The following SYNE1 variants were observed in gnomAD, a reference collection of about 807,000 sequenced individuals.
SYNE1 encodes the protein nesprin-1.
SYNE1 carries 616 observed loss-of-function variants against 1,111.0 expected under a neutral mutation model. The ratio of observed to expected loss-of-function variants is 0.55; its 90% CI spans 0.52 to 0.59. SYNE1 has a LOEUF of 0.59. Ranked by LOEUF, SYNE1 falls within the 20% of genes least tolerant of loss-of-function variation. The pLI is 0.00. For synonymous variants in SYNE1, 3,855 were observed against 3,825.8 expected (o/e 1.01, Z -0.28); for missense variants, 10,006 against 10,417.0 (o/e 0.96, Z 1.72).
chr6:152,381,665 C>T lies in SYNE1; in HGVS notation c.8653-303G>A, dbSNP rs2097419350. On this transcript the variant is annotated intron_variant, in intron 55 of 145. Coordinates refer to ENST00000367255, the MANE Select transcript of SYNE1 (RefSeq NM_182961.4). ...AAATGTTTAGTGACTCAAGTGTTTG[C>T]CTGTGGTGGATTGCTCCTGTGAATG... 7.0e-6 allele frequency: 3 copies of T among 430,044 alleles called. 1 individual carries two copies. Among genetic ancestry groups the T allele is most frequent in the South Asian group, 4.5e-5 (2 of 44,034 alleles). 26.6% of individuals were successfully genotyped at this position (430,044 alleles called of 1,614,324 possible).
At chr6:152,139,707 AAAAGAAAGAAAAAGAAAG>A (rs2058022754) in intron 140 of SYNE1, among the ~76,000 whole-genome samples, 1 of 74,080 alleles carries the variant, frequency 1.3e-5, no homozygotes, top group East Asian at 4.0e-4. Flanking sequence ...AGAGAAAAAG[AAAAGAAAGAAAAAGAAAG>A]AAAGAAAGAA....
intron 24 of SYNE1, among the ~76,000 whole-genome samples, chr6:152,453,991 T>C (rs560461518): frequency 6.6e-6 from 1 of 152,362 alleles, no homozygotes; most frequent in East Asian, 1.9e-4. Context: ...CCAAAAGGAA[T>C]ATCTCATCTT....
intron 38 of SYNE1, among the ~76,000 whole-genome samples, chr6:152,426,888 A>G (rs1422557937): frequency 6.6e-6 from 1 of 152,234 alleles, no homozygotes; most frequent in African/African-American, 2.4e-5. Context: ...GACACTGGTG[A>G]CAGAGTTTTC....
rs747473998 is a variant in SYNE1 at position 152,396,786 on chromosome 6, T to C, written c.7545A>G (p.Ser2515=). 1.2e-5 allele frequency: 19 copies of C among 1,614,070 alleles called. No homozygotes were observed. Among genetic ancestry groups the C allele is most frequent in the Non-Finnish European group, 1.5e-5 (18 of 1,180,014 alleles). ...KDKQALQDCA[S]ELGSFEDQHR... ...TTAAACTAACCTACCTTCCAAGTTCTGAAGCACAGTCTTGAAGAGCCTGCT... is the reference window on the plus strand; with the variant it reads ...TTAAACTAACCTACCTTCCAAGTTCCGAAGCACAGTCTTGAAGAGCCTGCT... Residue 2515 remains serine (S), a synonymous_variant, in exon 50 of 146, where the codon TCA becomes TCG. Coordinates refer to ENST00000367255, the MANE Select transcript of SYNE1 (RefSeq NM_182961.4).
chr6:152,350,415 T>C, intron 71 of SYNE1, 80 bp from the exon 72 acceptor site: 2 of 1,593,544 alleles, frequency 1.3e-6, no homozygotes, highest in African/African-American at 1.3e-5. Flanking sequence ...AAAAACCCAG[T>C]GCAACTCACA....
intron 46 of SYNE1, 97 bp downstream of exon 46, chr6:152,404,116 T>TATATATATACACAC (rs747022132): frequency 1.9e-6 from 1 of 540,138 alleles, no homozygotes; most frequent in East Asian, 3.6e-5. Flanking sequence ...TATATATATA[T>TATATATATACACAC]ACACACACAC....
At chr6:152,233,082 A>G (rs1259580292) in intron 112 of SYNE1, among the ~76,000 whole-genome samples, 1 of 152,194 alleles carries the variant, frequency 6.6e-6, no homozygotes, top group African/African-American at 2.4e-5. Flanking sequence ...TAAGAGGATT[A>G]TTTACATCTA....
intron 130 of SYNE1, among the ~76,000 whole-genome samples, chr6:152,167,322 A>C (rs1460667256): frequency 6.6e-6 from 1 of 152,176 alleles, no homozygotes; most frequent in Non-Finnish European, 1.5e-5. Context: ...CTTTCCTTCA[A>C]AGTAATTTAG....
At position 152,331,182 on chromosome 6, in the gene SYNE1, G is replaced by C. The variant is rs1474064861; in HGVS notation, c.13503C>G (p.Ala4501=). Residue 4501 remains alanine (A), a synonymous_variant, in exon 78 of 146, where the codon GCC becomes GCG. Coordinates refer to ENST00000367255, the MANE Select transcript of SYNE1 (RefSeq NM_182961.4). ...CTTCATTTTGGTAAGTCTTGAGGCT[G>C]GCTTGTGCACTCTTACATGTTTTGA... ...KQVKTCKSAQ[A]SLKTYQNEVT... is the part of the protein sequence containing the mutation. 6.2e-7 allele frequency: 1 copy of C among 1,614,010 alleles called. No homozygotes were observed. The highest frequency in any genetic ancestry group is 8.5e-7 in the Non-Finnish European group (1 of 1,180,038).
chr6:152,220,745 A>T, intron 119 of SYNE1, 97 bp downstream of exon 119: 1 of 1,129,502 alleles, frequency 8.9e-7, no homozygotes, highest in Non-Finnish European at 1.4e-6. Context: ...TAACTGTCTC[A>T]CATAGAAAGA....
At chr6:152,277,921 A>G (rs1338882940) in intron 98 of SYNE1, 168 bp downstream of exon 98, 1 of 802,496 alleles carries the variant, frequency 1.2e-6, no homozygotes, top group Non-Finnish European at 2.2e-6. Context: ...ATGTTTGCCA[A>G]AGTCCAAGAG....
chr6:152,555,918 A>G (rs1554784), intron 3 of SYNE1, among the ~76,000 whole-genome samples: 69,236 of 152,040 alleles, frequency 0.46, 16,338 homozygotes, highest in African/African-American at 0.53. Flanking sequence ...TTGTTTCCTA[A>G]TAAGGAAAAT....
intron 3 of SYNE1, among the ~76,000 whole-genome samples, chr6:152,582,764 G>A (rs1170373200): frequency 5.3e-5 from 8 of 151,862 alleles, no homozygotes. Context: ...AGTTTTCAGT[G>A]TCTATTACTT....
chr6:152,189,257 G>T lies in SYNE1; in HGVS notation c.23296C>A (p.His7766Asn), dbSNP rs886043037. The change falls in exon 128 of 146, where the codon CAC becomes AAC. Residue 7766 changes from histidine (H) to asparagine (N), a missense_variant. Around this residue, in one of 7 missense-constraint regions of SYNE1, gnomAD observed 2,182 missense variants for 2,287.8 expected, o/e 0.95. Transcript: ENST00000367255. ...LLQRQWEELC[H>N]QLSLRRQQIG... ...ATTTTTAGAACTTATCTTACCTGGT[G>T]GCATAGTTCTTCCCACTGCCTTTGC... 1 of 1,613,546 alleles carries T rather than the reference G, an allele frequency of 6.2e-7. No homozygotes were observed.
chr6:152,368,337 T>G (rs909938499), intron 61 of SYNE1: 2 of 153,330 alleles, frequency 1.3e-5, no homozygotes, highest in Non-Finnish European at 2.9e-5. Flanking sequence ...GGCTGAATGT[T>G]CTAAATGAGA....
chr6:152,152,525 A>G (rs1326041297), intron 133 of SYNE1, among the ~76,000 whole-genome samples: 1 of 152,234 alleles, frequency 6.6e-6, no homozygotes, highest in Non-Finnish European at 1.5e-5. Flanking sequence ...GTGTGTGGAA[A>G]TGTGAGTTTG....
In SYNE1 at chr6:152,359,399, C is replaced by A. The variant is rs2096894015; in HGVS notation, c.10359G>T (p.Gly3453=). Residue 3453 remains glycine, a synonymous_variant, in exon 65 of 146, where the codon GGG becomes GGT. Coordinates refer to ENST00000367255, the MANE Select transcript of SYNE1 (RefSeq NM_182961.4). ...SSLLETIEVK[G]AGMTEHYVTQ... ...TGACATAGTGTTCTGTCATGCCAGC[C>A]CCTTTGACTTCGATGGTCTCCAGCA... The A allele has an allele frequency of 1.9e-6, 3 of 1,614,134 alleles. No individual in the cohort carries two copies. The highest frequency in any genetic ancestry group is 2.5e-6 in the Non-Finnish European group (3 of 1,180,036).
At position 152,211,474 on chromosome 6, in the gene SYNE1, T is replaced by C; in HGVS notation, c.22589+20A>G. The stretch of plus-strand genomic sequence containing the variant: ...AATTTACTGGAACCTTTCTTTGTAA[T>C]AATTTATCAAAGATCCTACCTGTCA... On this transcript the variant is annotated intron_variant, in intron 124 of 145. Coordinates refer to ENST00000367255, the MANE Select transcript of SYNE1 (RefSeq NM_182961.4). 6.3e-7 allele frequency: 1 copy of C among 1,593,966 alleles called. No homozygotes were observed. The highest frequency in any genetic ancestry group is 8.6e-7 in the Non-Finnish European group (1 of 1,161,992).
chr6:152,259,549 T>C (rs1349394001), intron 101 of SYNE1, among the ~76,000 whole-genome samples: 1 of 152,132 alleles, frequency 6.6e-6, no homozygotes. Flanking sequence ...AGGAGGGACT[T>C]AGGTAACAGA....
Sources: allele counts gnomAD v4.1 joint callset (sites outside exome capture counted in the v4.1 genomes callset), GRCh38; gene constraint gnomAD v4.1.1; regional missense constraint gnomAD v4.1.1; transcripts MANE v1.5; gene names NCBI Gene and HGNC (gene_info 2026-07-23, HGNC 2026-07-21).